Variants in DOCK7 observed in about 807,000 individuals in gnomAD.
DOCK7 encodes dedicator of cytokinesis protein 7.
DOCK7 carries 138 observed loss-of-function variants against 271.0 expected under a neutral mutation model. The observed-to-expected ratio is 0.51, with a 90% confidence interval of 0.44 to 0.59. The LOEUF (loss-of-function observed/expected upper bound fraction) is 0.59. DOCK7 is among the 20% of genes least tolerant of loss of function. The probability of loss-of-function intolerance (pLI) is 0.00; values close to 1 mark genes in which losing one functional copy is unlikely to be tolerated. For missense variants in DOCK7, 2,066 were observed against 2,592.4 expected (o/e 0.80, Z 4.41); for synonymous variants, 823 against 876.1 (o/e 0.94, Z 1.07).
At chr1:62,654,990 T>A (rs1657821330) in intron 2 of DOCK7, among the ~76,000 whole-genome samples, 1 of 152,200 alleles carries the variant, frequency 6.6e-6, no homozygotes, top group Non-Finnish European at 1.5e-5. Context: ...AAAACCTTAT[T>A]TTAGTCCAGT....
chr1:62,469,770 T>C (rs1306336541), intron 48 of DOCK7, among the ~76,000 whole-genome samples: 1 of 152,066 alleles, frequency 6.6e-6, no homozygotes, highest in Non-Finnish European at 1.5e-5. Context: ...GAACAGACAA[T>C]TCCCAAAAGA....
intron 43 of DOCK7, chr1:62,485,126 A>G: frequency 1.0e-6 from 1 of 978,262 alleles, no homozygotes; most frequent in Non-Finnish European, 1.2e-6. Flanking sequence ...ACAGAGTGAG[A>G]CCCCATCTCA....
chr1:62,504,542 C>G lies in DOCK7; in HGVS notation c.4764+88G>C, dbSNP rs976300907. 5.9e-6 allele frequency: 8 copies of G among 1,367,054 alleles called. No homozygotes were observed. The African/African-American group carries it at 1.2e-4, about 20-fold the overall frequency. 84.7% of individuals were successfully genotyped at this position (1,367,054 alleles called of 1,614,324 possible). A position where few individuals can be genotyped will look rare whatever the true frequency, so the allele number is the denominator to read the frequency against. ...TAGACTAAAAATATACAAAAAACTC[C>G]ATGCTCTCCCAAAAACTGATTTAAT... is the stretch of plus-strand genomic sequence containing the variant. On this transcript the variant is annotated intron_variant, in intron 37 of 49. Transcript: ENST00000635253.
intron 1 of DOCK7, among the ~76,000 whole-genome samples, chr1:62,681,278 C>T (rs1418405547): frequency 6.6e-6 from 1 of 150,942 alleles, no homozygotes; most frequent in Non-Finnish European, 1.5e-5. Context: ...AGCAAACTAT[C>T]ACAAGGACAG....
Position 62,578,913 on chromosome 1 carries a change from T to C in DOCK7, c.1925A>G (p.Asp642Gly), listed in dbSNP as rs1352910945. 1.2e-6 allele frequency: 2 copies of C among 1,606,640 alleles called. No individual in the cohort carries two copies. Among genetic ancestry groups the C allele is most frequent in the African/African-American group, 2.7e-5 (2 of 74,168 alleles). ...AAAAGTAAAAAGCAAGTGATGATGGTCAGTTAAAGTAGCAGGAAGCTTAAC... is the reference window on the plus strand; with the variant it reads ...AAAAGTAAAAAGCAAGTGATGATGGCCAGTTAAAGTAGCAGGAAGCTTAAC... ...IKVKLPATLT[D>G]HHHLLFTFYH... The change falls in exon 17 of 50, where the codon GAC (aspartate) becomes GGC (glycine). Residue 642 changes from aspartate (D) to glycine (G), a missense_variant. Transcript: ENST00000635253.
Position 62,631,264 on chromosome 1 carries a change from T to C in DOCK7, c.1258A>G (p.Thr420Ala). The change falls in exon 11 of 50, where the codon ACA becomes GCA. Residue 420 changes from threonine to alanine, a missense_variant. By Grantham distance (58) the Thr-to-Ala change is moderately conservative. Transcript: ENST00000635253. ...SSAGSLERDS[T>A]EVEISTGERK... ...CCTCCAGTACTGATTTCTACTTCTG[T>C]AGAATCTCTTTCCAAACTCCCAGCA... 9 of 1,609,076 alleles carry C rather than the reference T, an allele frequency of 5.6e-6. No individual in the cohort carries two copies. The highest frequency in any genetic ancestry group is 5.9e-6 in the Non-Finnish European group (7 of 1,178,466).
At chr1:62,550,597 T>C (rs1046717812) in intron 22 of DOCK7, among the ~76,000 whole-genome samples, 4 of 152,138 alleles carry the variant, frequency 2.6e-5, no homozygotes, top group African/African-American at 9.7e-5. Context: ...ATCACCATGG[T>C]ATTTCTCAAG....
intron 8 of DOCK7, among the ~76,000 whole-genome samples, 198 bp downstream of exon 8, chr1:62,636,339 C>T (rs1655270187): frequency 6.6e-6 from 1 of 152,166 alleles, no homozygotes; most frequent in African/African-American, 2.4e-5. Flanking sequence ...AACACTCTTT[C>T]AGTGAAACAA....
intron 7 of DOCK7, among the ~76,000 whole-genome samples, chr1:62,637,981 G>C (rs1324384736): frequency 6.6e-6 from 1 of 152,076 alleles, no homozygotes; most frequent in African/African-American, 2.4e-5. Context: ...AGAGATCTTG[G>C]TGATCCTGTC....
chr1:62,516,695 C>G (rs1328959108), intron 31 of DOCK7: 2 of 152,088 alleles, frequency 1.3e-5, no homozygotes, highest in African/African-American at 2.4e-5. Context: ...AATTATTTTC[C>G]CCAGTTTGTG....
chr1:62,581,868 C>T (rs914942159), intron 16 of DOCK7, among the ~76,000 whole-genome samples: 2 of 151,994 alleles, frequency 1.3e-5, no homozygotes, highest in African/African-American at 4.8e-5. Context: ...ACAACAGCAC[C>T]AAGAAAGGAC....
intron 14 of DOCK7, among the ~76,000 whole-genome samples, chr1:62,595,055 G>A (rs1437604048): frequency 1.3e-5 from 2 of 152,140 alleles, no homozygotes; most frequent in African/African-American, 4.8e-5. Context: ...TAAAGGGTAA[G>A]ATGGAAATGA....
At chr1:62,669,044 C>T (rs1297455118) in intron 1 of DOCK7, among the ~76,000 whole-genome samples, 3 of 152,080 alleles carry the variant, frequency 2.0e-5, no homozygotes, top group Admixed American at 1.3e-4. Context: ...TCACATCCTC[C>T]ATAAAGCCCT....
At chr1:62,497,411 T>C (rs1457820962) in intron 37 of DOCK7, among the ~76,000 whole-genome samples, 1 of 152,184 alleles carries the variant, frequency 6.6e-6, no homozygotes, top group African/African-American at 2.4e-5. Context: ...ACCATCTGGA[T>C]GTCTCATAGG....
chr1:62,674,933 GA>G (rs1312484268), intron 1 of DOCK7, among the ~76,000 whole-genome samples: 5 of 152,048 alleles, frequency 3.3e-5, no homozygotes, highest in African/African-American at 1.2e-4. Flanking sequence ...ATGCATAAAA[GA>G]AAAAAACTGA....
chr1:62,468,641 T>C (rs1210471237), intron 48 of DOCK7, among the ~76,000 whole-genome samples: 1 of 152,114 alleles, frequency 6.6e-6, no homozygotes, highest in Non-Finnish European at 1.5e-5. Flanking sequence ...TTGCTGATGA[T>C]ATCACTGTAT....
chr1:62,539,417 C>T, intron 27 of DOCK7, 128 bp downstream of exon 27: 1 of 730,574 alleles, frequency 1.4e-6, no homozygotes, highest in Non-Finnish European at 2.2e-6. Context: ...AAATATGTTA[C>T]TTTGGCTACT....
At chr1:62,576,840 T>C (rs2149480225) in intron 18 of DOCK7, among the ~76,000 whole-genome samples, 1 of 152,346 alleles carries the variant, frequency 6.6e-6, no homozygotes, top group South Asian at 2.1e-4. Flanking sequence ...ATTCACATGA[T>C]CTTCAATTAC....
chr1:62,589,821 G>T lies in DOCK7; in HGVS notation c.1683-3197C>A, dbSNP rs542156521. Among the ~76,000 whole-genome samples, 74 of 150,266 alleles carry T rather than the reference G, an allele frequency of 4.9e-4. 1 individual carries two copies. The highest frequency in any genetic ancestry group is 6.9e-4 in the Non-Finnish European group (47 of 67,812). Reference sequence around the variant, plus strand: ...GGCGTGAACCCGGTAGGCGGAGCTTGCAGTGAGCCGAGATCGCGCCACTGC... The same window carrying T: ...GGCGTGAACCCGGTAGGCGGAGCTTTCAGTGAGCCGAGATCGCGCCACTGC... On this transcript the variant is annotated intron_variant, in intron 14 of 49. Transcript: ENST00000635253.
Sources: gnomAD v4.1 joint callset for allele counts (sites outside exome capture counted in the v4.1 genomes callset) on GRCh38, gnomAD v4.1.1 for gene constraint, MANE v1.5 for transcripts, NCBI Gene and HGNC (gene_info 2026-07-23, HGNC 2026-07-21) for gene names.